The following GFRA1 variants were observed in gnomAD, a reference collection of about 807,000 sequenced individuals.
GFRA1 encodes the protein GDNF family receptor alpha-1.
Under a neutral mutation model 51.6 loss-of-function variants are expected in GFRA1, and 16 were observed. The observed-to-expected ratio is 0.31, with a 90% CI of 0.21 to 0.47. The LOEUF (loss-of-function observed/expected upper bound fraction) is 0.47. Ranked by LOEUF, GFRA1 falls within the 20% of genes least tolerant of loss-of-function variation. GFRA1 has a pLI of 1.00. For missense variants in GFRA1, 530 were observed against 594.3 expected (o/e 0.89, Z 1.13); for synonymous variants, 270 against 241.3 (o/e 1.12, Z -1.10).
intron 6 of GFRA1, among the ~76,000 whole-genome samples, chr10:116,113,881 T>G (rs1297649017): frequency 6.6e-6 from 1 of 152,146 alleles, no homozygotes; most frequent in African/African-American, 2.4e-5. Context: ...TGGCACAAAG[T>G]AAATGCCAAG....
intron 4 of GFRA1, among the ~76,000 whole-genome samples, chr10:116,213,338 A>G (rs755894143): frequency 3.9e-5 from 6 of 152,338 alleles, no homozygotes; most frequent in Non-Finnish European, 8.8e-5. Context: ...TTAAATGGCT[A>G]TATAAAGACC....
chr10:116,205,596 G>GATATATAT lies in GFRA1; in HGVS notation c.433+6027_433+6034dup, dbSNP rs140642664. Among the ~76,000 whole-genome samples, 68 of 140,590 alleles carry GATATATAT rather than the reference G, an allele frequency of 4.8e-4. 1 individual carries two copies. The highest frequency in any genetic ancestry group is 3.3e-3 in the East Asian group (15 of 4,596). 92.2% of individuals were successfully genotyped at this position (140,590 alleles called of 152,430 possible). A position where few individuals can be genotyped will look rare whatever the true frequency, so the allele number is the denominator to read the frequency against. ...CTCAAAAAAGAAAGGAAAAAAAAAA[G>GATATATAT]ATATATATATATATATATATATATA... On this transcript the variant is annotated intron_variant, in intron 5 of 10. Coordinates refer to ENST00000355422, the MANE Select transcript of GFRA1 (RefSeq NM_005264.8).
intron 5 of GFRA1, among the ~76,000 whole-genome samples, chr10:116,160,533 T>G (rs945810030): frequency 3.9e-5 from 6 of 152,222 alleles, no homozygotes; most frequent in Admixed American, 3.3e-4. Context: ...GCTGAATGAA[T>G]GTCAGTAAGA....
In GFRA1 at chr10:116,148,499, C is replaced by A. The variant is rs776364052; in HGVS notation, c.434-22942G>T. 5.2e-4 allele frequency among the ~76,000 whole-genome samples: 33 copies of A among 63,912 alleles called. 1 individual carries two copies. The Admixed American group carries it at 6.0e-3, about 12-fold the overall frequency. The allele number at this position is 63,912 out of a possible 152,430, so 41.9% of individuals were successfully genotyped here. A position where few individuals can be genotyped will look rare whatever the true frequency, so the allele number is the denominator to read the frequency against. On this transcript the variant is annotated intron_variant, in intron 5 of 10. Transcript: ENST00000355422. ...CTGTGAAGTGGGGATATGATAATAA[C>A]AGTACAAACCTCAGGGGTTGTTTTA...
intron 5 of GFRA1, among the ~76,000 whole-genome samples, chr10:116,204,356 G>A (rs114370794): frequency 0.01 from 1,577 of 152,292 alleles, 29 homozygotes; most frequent in African/African-American, 0.036. Flanking sequence ...ATATGCACAG[G>A]TCAGTGTACA....
intron 6 of GFRA1, among the ~76,000 whole-genome samples, chr10:116,121,702 T>C (rs1425025318): frequency 2.0e-5 from 3 of 152,222 alleles, no homozygotes; most frequent in Non-Finnish European, 2.9e-5. Flanking sequence ...TCGAAGAATA[T>C]GGTTTTTAGG....
intron 8 of GFRA1, among the ~76,000 whole-genome samples, chr10:116,091,947 C>A (rs976561060): frequency 2.6e-5 from 4 of 152,192 alleles, no homozygotes; most frequent in South Asian, 4.1e-4. Context: ...AAAGCAGGAA[C>A]AACTTTAATT....
At chr10:116,139,454 T>C (rs184332176) in intron 5 of GFRA1, among the ~76,000 whole-genome samples, 5 of 152,344 alleles carry the variant, frequency 3.3e-5, no homozygotes, top group Admixed American at 3.3e-4. Context: ...CCTTTTCTAA[T>C]AGAGATTTGG....
chr10:116,226,228 C>G (rs1239994680), intron 4 of GFRA1, among the ~76,000 whole-genome samples: 1 of 152,152 alleles, frequency 6.6e-6, no homozygotes, highest in Non-Finnish European at 1.5e-5. Flanking sequence ...CCAACTGGAT[C>G]CTTGAACTAG....
intron 4 of GFRA1, among the ~76,000 whole-genome samples, chr10:116,225,312 G>A (rs944303114): frequency 6.6e-5 from 10 of 151,860 alleles, no homozygotes; most frequent in Admixed American, 2.0e-4. Flanking sequence ...CAAGGCAGGC[G>A]GATCACGAGG....
intron 5 of GFRA1, among the ~76,000 whole-genome samples, chr10:116,192,809 A>T (rs1161449791): frequency 6.6e-6 from 1 of 152,224 alleles, no homozygotes; most frequent in Non-Finnish European, 1.5e-5. Flanking sequence ...CCAAGGACAG[A>T]ACAGGAATAA....
At chr10:116,271,222 G>T (rs537847861) in intron 2 of GFRA1, 107 bp from the exon 3 acceptor site, 5 of 879,640 alleles carry the variant, frequency 5.7e-6, no homozygotes, top group East Asian at 2.6e-5. Flanking sequence ...ACCAGCCTTC[G>T]GGGGCGCCCT....
intron 4 of GFRA1, among the ~76,000 whole-genome samples, chr10:116,242,769 C>A (rs1967511013): frequency 1.3e-5 from 2 of 152,182 alleles, no homozygotes; most frequent in South Asian, 4.1e-4. Context: ...GGCATAAGGA[C>A]TGCACCTGGC....
chr10:116,101,802 T>C (rs1241937858), intron 6 of GFRA1, among the ~76,000 whole-genome samples: 1 of 152,156 alleles, frequency 6.6e-6, no homozygotes, highest in Non-Finnish European at 1.5e-5. Context: ...GACTGAGAAT[T>C]GTAAGATGTT....
At position 116,060,592 on chromosome 10, in the gene GFRA1, T is replaced by C. The variant is rs1954761725; in HGVS notation, c.*3806A>G. On this transcript the variant is annotated 3_prime_UTR_variant, in exon 11 of 11. Coordinates refer to ENST00000355422, the MANE Select transcript of GFRA1 (RefSeq NM_005264.8). ...GTCACTGTGCCCAGGCCAGTGGTAA[T>C]TCTCTCCTGCCTGTTGTCATTGCTT... 6.6e-6 allele frequency: 1 copy of C among 152,214 alleles called. No individual in the cohort carries two copies. Among genetic ancestry groups the C allele is most frequent in the Admixed American group, 6.5e-5 (1 of 15,282 alleles). The allele number at this position is 152,214 out of a possible 1,614,324, so 9.4% of individuals were successfully genotyped here.
chr10:116,229,598 G>T (rs1404544222), intron 4 of GFRA1, among the ~76,000 whole-genome samples: 2 of 152,172 alleles, frequency 1.3e-5, no homozygotes, highest in African/African-American at 4.8e-5. Flanking sequence ...CTCCTTAGGA[G>T]CTGCATGATG....
chr10:116,068,505 C>T (rs1374464585), intron 9 of GFRA1, among the ~76,000 whole-genome samples: 2 of 152,104 alleles, frequency 1.3e-5, no homozygotes, highest in Non-Finnish European at 2.9e-5. Flanking sequence ...GGCTGGGAGT[C>T]CAGGACCTCT....
chr10:116,202,402 G>A (rs1964407501), intron 5 of GFRA1, among the ~76,000 whole-genome samples: 2 of 152,186 alleles, frequency 1.3e-5, no homozygotes, highest in African/African-American at 2.4e-5. Flanking sequence ...CACAGTGGCT[G>A]TGAATATGGT....
intron 5 of GFRA1, among the ~76,000 whole-genome samples, chr10:116,206,257 T>C (rs1171975558): frequency 2.0e-5 from 3 of 152,204 alleles, no homozygotes; most frequent in African/African-American, 7.2e-5. Context: ...TCTTTCATAA[T>C]GTAAGACATT....
Sources: gnomAD v4.1 joint callset for allele counts (sites outside exome capture counted in the v4.1 genomes callset) on GRCh38, gnomAD v4.1.1 for gene constraint, MANE v1.5 for transcripts, NCBI Gene and HGNC (gene_info 2026-07-23, HGNC 2026-07-21) for gene names.